The following GRM7 variants were observed in gnomAD, a reference collection of about 807,000 sequenced individuals.
GRM7 encodes metabotropic glutamate receptor 7.
A neutral mutation model predicts 84.5 loss-of-function variants in GRM7; 35 were observed. The ratio of observed to expected loss-of-function variants is 0.41; its 90% CI spans 0.32 to 0.55. The LOEUF (loss-of-function observed/expected upper bound fraction) is 0.55. Ranked by LOEUF, GRM7 falls within the 20% of genes least tolerant of loss-of-function variation. The pLI is 0.19. For synonymous variants in GRM7, 487 were observed against 455.1 expected (o/e 1.07, Z -0.89); for missense variants, 1,003 against 1,194.6 (o/e 0.84, Z 2.36).
intron 2 of GRM7, among the ~76,000 whole-genome samples, chr3:7,168,248 T>A (rs1455006188): frequency 5.9e-5 from 9 of 152,158 alleles, no homozygotes; most frequent in Admixed American, 5.2e-4. Context: ...AACTATTGTT[T>A]CAGTGATTGT....
intron 7 of GRM7, among the ~76,000 whole-genome samples, chr3:7,575,378 A>T (rs1308786013): frequency 6.6e-6 from 1 of 151,982 alleles, no homozygotes; most frequent in Admixed American, 6.6e-5. Context: ...TAACTGAAAC[A>T]GTTTTGTTGC....
intron 2 of GRM7, among the ~76,000 whole-genome samples, chr3:7,263,539 G>A (rs778975545): frequency 9.9e-5 from 15 of 152,138 alleles, no homozygotes; most frequent in Non-Finnish European, 1.9e-4. Context: ...GGTCAGGGGC[G>A]GCTCCACCTC....
chr3:6,959,438 C>T (rs915871557), intron 1 of GRM7, among the ~76,000 whole-genome samples: 6 of 151,986 alleles, frequency 3.9e-5, no homozygotes, highest in Non-Finnish European at 7.4e-5. Context: ...AAAGTAGAAA[C>T]ATCCATTCCC....
Position 7,608,763 on chromosome 3 carries a change from G to A in GRM7, c.2451+29406G>A, listed in dbSNP as rs147810603. ...TTTTGCTTTTGTCGTGATTGCTTTCGGAGTCTTTGTCATTAAATCTTTGCC... is the reference window on the plus strand; with the variant it reads ...TTTTGCTTTTGTCGTGATTGCTTTCAGAGTCTTTGTCATTAAATCTTTGCC... On this transcript the variant is annotated intron_variant, in intron 8 of 9. Transcript: ENST00000357716. 1.3e-4 allele frequency among the ~76,000 whole-genome samples: 20 copies of A among 152,100 alleles called. No homozygotes were observed. The East Asian group carries it at 1.9e-3, about 15-fold the overall frequency.
chr3:7,069,879 A>AT lies in GRM7; in HGVS notation c.520-76568dup, dbSNP rs1041720569. ...TCCTAGTGGTGACTTAACCCAGTAG[A>AT]TTTTTAAGTACTTTACACTCATCCC... is the stretch of plus-strand genomic sequence containing the variant. On this transcript the variant is annotated intron_variant, in intron 1 of 9. Coordinates refer to ENST00000357716, the MANE Select transcript of GRM7 (RefSeq NM_000844.4). 4.6e-5 allele frequency among the ~76,000 whole-genome samples: 7 copies of AT among 152,222 alleles called. No homozygotes were observed. In the South Asian group the frequency reaches 1.0e-3, roughly 23 times the overall value.
At chr3:7,296,210 A>G (rs1575132977) in intron 2 of GRM7, among the ~76,000 whole-genome samples, 1 of 152,110 alleles carries the variant, frequency 6.6e-6, no homozygotes, top group African/African-American at 2.4e-5. Flanking sequence ...TTCAAATAAT[A>G]AATTAGCCTT....
intron 8 of GRM7, among the ~76,000 whole-genome samples, chr3:7,583,910 C>A (rs1695390132): frequency 6.6e-6 from 1 of 152,106 alleles, no homozygotes; most frequent in Admixed American, 6.6e-5. Context: ...GTGTTCTTTT[C>A]CATTAGGAAC....
At chr3:7,050,461 A>T (rs747208354) in intron 1 of GRM7, among the ~76,000 whole-genome samples, 11 of 151,878 alleles carry the variant, frequency 7.2e-5, no homozygotes, top group Non-Finnish European at 1.5e-4. Flanking sequence ...TTCACATCTA[A>T]ACACATGTTA....
intron 1 of GRM7, among the ~76,000 whole-genome samples, chr3:7,112,042 A>T (rs1574919141): frequency 6.6e-6 from 1 of 152,154 alleles, no homozygotes; most frequent in African/African-American, 2.4e-5. Context: ...AAGTTGGCAG[A>T]AGTGTAAAAG....
rs3804897 is a variant in GRM7 at position 7,581,530 on chromosome 3, G to A, written c.2451+2173G>A. On this transcript the variant is annotated intron_variant, in intron 8 of 9. Transcript: ENST00000357716. ...GAACAACCAATGAGAAAATACCAGC[G>A]TGTATACATGAAACTATAGCATTTA... is the stretch of plus-strand genomic sequence containing the variant. Among the ~76,000 whole-genome samples, 210 of 152,062 alleles carry A rather than the reference G, an allele frequency of 1.4e-3. 1 individual carries two copies. Among genetic ancestry groups the A allele is most frequent in the African/African-American group, 4.6e-3 (191 of 41,498 alleles).
chr3:7,683,396 TAG>T (rs560375181), intron 9 of GRM7, among the ~76,000 whole-genome samples: 2 of 152,160 alleles, frequency 1.3e-5, no homozygotes, highest in African/African-American at 4.8e-5. Flanking sequence ...TAAAATAAAA[TAG>T]AGTCTTTTTC....
chr3:7,030,585 T>C (rs1243114989), intron 1 of GRM7, among the ~76,000 whole-genome samples: 1 of 152,206 alleles, frequency 6.6e-6, no homozygotes, highest in Non-Finnish European at 1.5e-5. Context: ...CCAAAAGCTG[T>C]TTTTATTTAT....
chr3:7,186,951 G>A (rs896560512), intron 2 of GRM7, among the ~76,000 whole-genome samples: 7 of 152,050 alleles, frequency 4.6e-5, no homozygotes, highest in Admixed American at 2.6e-4. Flanking sequence ...TGGTGTGGTG[G>A]CATATGCCTG....
At chr3:7,209,599 G>T (rs1696352434) in intron 2 of GRM7, among the ~76,000 whole-genome samples, 1 of 152,202 alleles carries the variant, frequency 6.6e-6, no homozygotes, top group African/African-American at 2.4e-5. Context: ...ACTATGGCAG[G>T]CATAGAGAAT....
chr3:6,920,555 CA>C (rs35421703), intron 1 of GRM7, among the ~76,000 whole-genome samples: 79,661 of 141,370 alleles, frequency 0.56, 21,756 homozygotes, highest in African/African-American at 0.69. Context: ...GACTCCATGT[CA>C]AAAAAAAAAA....
At chr3:6,975,257 G>A (rs1178080662) in intron 1 of GRM7, among the ~76,000 whole-genome samples, 1 of 152,166 alleles carries the variant, frequency 6.6e-6, no homozygotes, top group Non-Finnish European at 1.5e-5. Flanking sequence ...GAAGAAGCGA[G>A]AAATGGTCAG....
chr3:7,568,953 G>T (rs1040379791), intron 7 of GRM7, among the ~76,000 whole-genome samples: 2 of 152,068 alleles, frequency 1.3e-5, no homozygotes, highest in African/African-American at 4.8e-5. Context: ...CTGTCCCATC[G>T]ACCACCCAAG....
intron 3 of GRM7, among the ~76,000 whole-genome samples, chr3:7,302,200 C>A (rs575786494): frequency 1.3e-5 from 2 of 152,094 alleles, no homozygotes; most frequent in South Asian, 4.2e-4. Flanking sequence ...AAATAATCTT[C>A]TATAAAACCT....
rs544701000 is a variant in GRM7 at position 7,526,919 on chromosome 3, G to T, written c.1516-51503G>T. The stretch of plus-strand genomic sequence containing the variant: ...TTTCTTAACAGTACCATGTTGTTTT[G>T]GTTACTGTAGCCTTATAGTATAGTT... On this transcript the variant is annotated intron_variant, in intron 7 of 9. Coordinates refer to ENST00000357716, the MANE Select transcript of GRM7 (RefSeq NM_000844.4). Among the ~76,000 whole-genome samples, 19 of 152,038 alleles carry T rather than the reference G, an allele frequency of 1.2e-4. No individual in the cohort carries two copies. The South Asian group carries it at 1.9e-3, about 15-fold the overall frequency.
Sources: gnomAD v4.1 joint callset for allele counts (sites outside exome capture counted in the v4.1 genomes callset) on GRCh38, gnomAD v4.1.1 for gene constraint, MANE v1.5 for transcripts, NCBI Gene and HGNC (gene_info 2026-07-23, HGNC 2026-07-21) for gene names.